Variants in ZNF750 observed in about 807,000 individuals in gnomAD.
ZNF750 encodes zinc finger protein 750, also known as protein ZNF750.
A neutral mutation model predicts 31.6 loss-of-function variants in ZNF750; 10 were observed. That is an observed-to-expected ratio of 0.32 (90% CI 0.19 to 0.54). ZNF750 has a LOEUF of 0.54. Among genes scored for constraint, ZNF750 ranks in the 20% least tolerant of loss-of-function variants. ZNF750 has a pLI of 0.95. For synonymous variants in ZNF750, 400 were observed against 404.9 expected, an observed-to-expected ratio of 0.99 and a Z score of 0.15; for missense variants, 914 against 934.9, an observed-to-expected ratio of 0.98 and a Z score of 0.29.
rs74002546 is a variant in ZNF750 at position 82,833,477 on chromosome 17, C to G, written c.-182-841G>C. Reference sequence around the variant, plus strand: ...TCATTAAGTAGCATTTATGTTGTCTCAGATATGAATACAAATGCTATATTT... The same window carrying G: ...TCATTAAGTAGCATTTATGTTGTCTGAGATATGAATACAAATGCTATATTT... On this transcript the variant is annotated intron_variant, in intron 1 of 2. Transcript: ENST00000269394. The surrounding 1 kb of genome is among the most constrained non-coding windows in gnomAD (Gnocchi z 4.7). 0.01 allele frequency among the ~76,000 whole-genome samples: 1,564 copies of G among 152,314 alleles called. 23 individuals are homozygous for G. Among genetic ancestry groups the G allele is most frequent in the African/African-American group, 0.035 (1,457 of 41,562 alleles).
chr17:82,838,717 C>T, intron 1 of ZNF750: 2 of 985,406 alleles, frequency 2.0e-6, no homozygotes, highest in Non-Finnish European at 2.4e-6. Context: ...CTCAGGACAA[C>T]CAAGACCTGG....
In ZNF750 at chr17:82,831,159, G is replaced by A. The variant is rs757853496; in HGVS notation, c.1296C>T (p.Asp432=). Residue 432 remains aspartate, a synonymous_variant, in exon 2 of 3, where the codon GAC becomes GAT. Transcript: ENST00000269394. This position sits in a 1 kb window ranked among gnomAD's most constrained non-coding sequence, Gnocchi z 4.6. ...QTSQTCEGLY[D]LSNKAASSAL... ...CGCTGGAGGCTGCCTTGTTGGAGAGGTCGTACAGGCCTTCGCAGGTCTGGC... is the reference window on the plus strand; with the variant it reads ...CGCTGGAGGCTGCCTTGTTGGAGAGATCGTACAGGCCTTCGCAGGTCTGGC... 1.2e-6 allele frequency: 2 copies of A among 1,614,168 alleles called. No individual in the cohort carries two copies. The highest frequency in any genetic ancestry group is 4.5e-5 in the East Asian group (2 of 44,882).
chr17:82,833,878 G>A lies in ZNF750; in HGVS notation c.-182-1242C>T, dbSNP rs936947658. On this transcript the variant is annotated intron_variant, in intron 1 of 2. Coordinates refer to ENST00000269394, the MANE Select transcript of ZNF750 (RefSeq NM_024702.3). This position sits in a 1 kb window ranked among gnomAD's most constrained non-coding sequence, Gnocchi z 4.7. ...TTTTGGATTCTTCCAGAGGGTCTCTGTGTCCCCCTTACCAGCCTCAGGTTT... is the reference window on the plus strand; with the variant it reads ...TTTTGGATTCTTCCAGAGGGTCTCTATGTCCCCCTTACCAGCCTCAGGTTT... 6.6e-6 allele frequency among the ~76,000 whole-genome samples: 1 copy of A among 152,160 alleles called. No individual in the cohort carries two copies. The highest frequency in any genetic ancestry group is 2.4e-5 in the African/African-American group (1 of 41,452).
chr17:82,830,291 T>A lies in ZNF750; in HGVS notation c.2023A>T (p.Ser675Cys). The A allele has an allele frequency of 1.2e-6, 2 of 1,614,224 alleles. No homozygotes were observed. Among genetic ancestry groups the A allele is most frequent in the Non-Finnish European group, 1.7e-6 (2 of 1,180,046 alleles). The part of the protein sequence containing the change: ...QDTPTLSSME[S>C]QEAQCDLRPK... The stretch of plus-strand genomic sequence containing the variant: ...CTGAGGTCACACTGGGCCTCTTGGC[T>A]CTCCATGGAGCTCAGTGTGGGTGTG... The change falls in exon 3 of 3, where the codon AGC becomes TGC. Residue 675 changes from serine to cysteine, a missense_variant. Ser to Cys is a moderately radical substitution (Grantham distance 112, BLOSUM62 -1). Transcript: ENST00000269394.
At chr17:82,836,027 CA>C (rs1421707873) in intron 1 of ZNF750, among the ~76,000 whole-genome samples, 3 of 152,370 alleles carry the variant, frequency 2.0e-5, no homozygotes, top group Admixed American at 6.5e-5. Context: ...AGCTACAAGG[CA>C]CCGGGTCAAG....
At chr17:82,837,206 C>G (rs999333789) in intron 1 of ZNF750, among the ~76,000 whole-genome samples, 1 of 152,172 alleles carries the variant, frequency 6.6e-6, no homozygotes, top group Non-Finnish European at 1.5e-5. Context: ...AGTTCTGTGT[C>G]CTGCTTAAGT....
rs1368582934 is a variant in ZNF750 at position 82,832,525 on chromosome 17, G to A, written c.-71C>T. 5.7e-6 allele frequency: 8 copies of A among 1,403,804 alleles called. No individual in the cohort carries two copies. The highest frequency in any genetic ancestry group is 8.0e-6 in the Non-Finnish European group (8 of 1,004,490). The allele number at this position is 1,403,804 out of a possible 1,614,324, so 87.0% of individuals were successfully genotyped here. On this transcript the variant is annotated 5_prime_UTR_variant, in exon 2 of 3. Coordinates refer to ENST00000269394, the MANE Select transcript of ZNF750 (RefSeq NM_024702.3). The surrounding 1 kb of genome is among the most constrained non-coding windows in gnomAD (Gnocchi z 4.9). Reference sequence around the variant, plus strand: ...ACTGTCGACGCCGCGTGCACTTCGTGGTTTCTAAAGAGGCACCTCCCGCTT... The same window carrying A: ...ACTGTCGACGCCGCGTGCACTTCGTAGTTTCTAAAGAGGCACCTCCCGCTT...
intron 1 of ZNF750, among the ~76,000 whole-genome samples, chr17:82,839,662 T>G (rs2054298941): frequency 6.6e-6 from 1 of 152,190 alleles, no homozygotes; most frequent in Non-Finnish European, 1.5e-5. Context: ...TGGTTTAACT[T>G]TTATGAATTT....
chr17:82,831,394 G>C lies in ZNF750; in HGVS notation c.1061C>G (p.Thr354Ser), dbSNP rs1469970569. ...AGGACTCGAGGCTGGATAGACCAGG[G>C]TGGCTTCTTCAAGCAGGTGAGAGCT... Reference protein sequence around the residue: ...DQSSHLLEEATLVYPASSPSR... With the variant: ...DQSSHLLEEASLVYPASSPSR... The change falls in exon 2 of 3, where the codon ACC becomes AGC. Residue 354 changes from threonine to serine, a missense_variant. Physicochemically the swap from Thr to Ser is moderately conservative, Grantham distance 58 (BLOSUM62 1). Transcript: ENST00000269394. The surrounding 1 kb of genome is among the most constrained non-coding windows in gnomAD (Gnocchi z 4.6). 3 of 1,614,214 alleles carry C rather than the reference G, an allele frequency of 1.9e-6. No homozygotes were observed. The East Asian group carries it at 6.7e-5, about 36-fold the overall frequency.
In ZNF750 at chr17:82,835,289, C is replaced by G. The variant is rs2053871213; in HGVS notation, c.-182-2653G>C. ...CAAGGCGCCACCCCTCCTCCCTGCA[C>G]CCGTGTCCTTCCTCCCACACGCCAG... On this transcript the variant is annotated intron_variant, in intron 1 of 2. Coordinates refer to ENST00000269394, the MANE Select transcript of ZNF750 (RefSeq NM_024702.3). The surrounding 1 kb of genome is among the most constrained non-coding windows in gnomAD (Gnocchi z 4.5). Among the ~76,000 whole-genome samples, 1 of 152,308 alleles carries G rather than the reference C, an allele frequency of 6.6e-6. No homozygotes were observed. Among genetic ancestry groups the G allele is most frequent in the Admixed American group, 6.5e-5 (1 of 15,298 alleles).
chr17:82,838,834 C>G (rs2054208492), intron 1 of ZNF750: 2 of 985,444 alleles, frequency 2.0e-6, no homozygotes, highest in South Asian at 4.7e-5. Flanking sequence ...CAGACCTGAG[C>G]TCGTAAACAA....
chr17:82,838,690 T>C, intron 1 of ZNF750: 2 of 985,458 alleles, frequency 2.0e-6, no homozygotes, highest in African/African-American at 1.7e-5. Context: ...TTCGGTTCTT[T>C]AAAATGAAAG....
Position 82,831,383 on chromosome 17 carries a change from G to T in ZNF750, c.1072C>A (p.Pro358Thr). 5 of 1,614,174 alleles carry T rather than the reference G, an allele frequency of 3.1e-6. No homozygotes were observed. The highest frequency in any genetic ancestry group is 4.2e-6 in the Non-Finnish European group (5 of 1,180,032). Residue 358 changes from proline to threonine, a missense_variant, in exon 2 of 3, where the codon CCA becomes ACA. By Grantham distance (38) the Pro-to-Thr change is conservative. Around this residue, in one of 2 missense-constraint regions of ZNF750, gnomAD observed 880 missense variants for 868.9 expected, o/e 1.01. Coordinates refer to ENST00000269394, the MANE Select transcript of ZNF750 (RefSeq NM_024702.3). This position sits in a 1 kb window ranked among gnomAD's most constrained non-coding sequence, Gnocchi z 4.6. ...TTTAACCTGGAAGGACTCGAGGCTG[G>T]ATAGACCAGGGTGGCTTCTTCAAGC... ...HLLEEATLVY[P>T]ASSPSRLNPS...
In ZNF750 at chr17:82,830,607, G is replaced by A. The variant is rs748024772; in HGVS notation, c.1707C>T (p.Pro569=). 8 of 1,613,972 alleles carry A rather than the reference G, an allele frequency of 5.0e-6. No homozygotes were observed. In the South Asian group the frequency reaches 5.5e-5, roughly 11 times the overall value. Reference sequence around the variant, plus strand: ...CAGGTTCTGCAGCTCGTGGTCGACCGGGGAAGGCAGGCCTCGGAGCCTGGG... The same window carrying A: ...CAGGTTCTGCAGCTCGTGGTCGACCAGGGAAGGCAGGCCTCGGAGCCTGGG... ...CNTQAPRPAF[P]GRPRAAEPAA... Residue 569 remains proline, a synonymous_variant, in exon 3 of 3, where the codon CCC becomes CCT. Coordinates refer to ENST00000269394, the MANE Select transcript of ZNF750 (RefSeq NM_024702.3).
At chr17:82,834,515 A>G (rs2053798240) in intron 1 of ZNF750, among the ~76,000 whole-genome samples, 1 of 152,238 alleles carries the variant, frequency 6.6e-6, no homozygotes, top group African/African-American at 2.4e-5. Context: ...GCACATATAC[A>G]CCATGGAATA....
At chr17:82,837,450 GTT>G (rs2054085559) in intron 1 of ZNF750, among the ~76,000 whole-genome samples, 1 of 152,218 alleles carries the variant, frequency 6.6e-6, no homozygotes, top group East Asian at 1.9e-4. Context: ...TAGAGGTGCA[GTT>G]TTTCTCTAGA....
rs749230151 is a variant in ZNF750, at chr17:82,830,599, G to A, written c.1715C>T (p.Pro572Leu). Residue 572 changes from proline (P) to leucine (L), a missense_variant, in exon 3 of 3, where the codon CCA becomes CTA. Around this residue, in one of 2 missense-constraint regions of ZNF750, gnomAD observed 880 missense variants for 868.9 expected, o/e 1.01. Coordinates refer to ENST00000269394, the MANE Select transcript of ZNF750 (RefSeq NM_024702.3). The part of the protein sequence containing the change: ...QAPRPAFPGR[P>L]RAAEPAAAVP... Reference sequence around the variant, plus strand: ...AGCAGCAGCAGGTTCTGCAGCTCGTGGTCGACCGGGGAAGGCAGGCCTCGG... The same window carrying A: ...AGCAGCAGCAGGTTCTGCAGCTCGTAGTCGACCGGGGAAGGCAGGCCTCGG... The A allele has an allele frequency of 1.2e-6, 2 of 1,614,066 alleles. No homozygotes were observed. Among genetic ancestry groups the A allele is most frequent in the Non-Finnish European group, 8.5e-7 (1 of 1,179,976 alleles).
rs772543540 is a variant in ZNF750, at chr17:82,830,132, G to A, written c.*10C>T. On this transcript the variant is annotated 3_prime_UTR_variant, in exon 3 of 3. Transcript: ENST00000269394. ...GCCGTAGCTCTGTGAACACACGTGT[G>A]AACCCGGCGTTAGGACACCCGGGCC... 1 of 1,613,266 alleles carries A rather than the reference G, an allele frequency of 6.2e-7. No homozygotes were observed. Among genetic ancestry groups the A allele is most frequent in the Non-Finnish European group, 8.5e-7 (1 of 1,179,970 alleles).
At chr17:82,837,817 C>T (rs2054116632) in intron 1 of ZNF750, among the ~76,000 whole-genome samples, 2 of 152,214 alleles carry the variant, frequency 1.3e-5, no homozygotes, top group African/African-American at 4.8e-5. Context: ...TCCAACACAC[C>T]TCCTCCGAGC....
Sources: gnomAD v4.1 joint callset for allele counts (sites outside exome capture counted in the v4.1 genomes callset) on GRCh38, gnomAD v4.1.1 for gene constraint, gnomAD v4.1.1 regional missense constraint, Gnocchi (gnomAD v3.1) non-coding constraint, MANE v1.5 for transcripts, NCBI Gene and HGNC (gene_info 2026-07-23, HGNC 2026-07-21) for gene names.